ST6GAL1: variants seen among roughly 807,000 people sequenced by gnomAD.
The protein encoded by ST6GAL1 is ST6 beta-galactoside alpha-2,6-sialyltransferase 1.
Under a neutral mutation model 38.0 loss-of-function variants are expected in ST6GAL1, and 20 were observed. That is an observed-to-expected ratio of 0.53 (90% CI 0.37 to 0.77). ST6GAL1 has a LOEUF of 0.77. ST6GAL1 is among the 30% of genes least tolerant of loss of function. The pLI, the probability that ST6GAL1 is intolerant of heterozygous loss-of-function variation, is 0.00. For missense variants in ST6GAL1, 432 were observed against 496.4 expected (o/e 0.87, Z 1.23); for synonymous variants, 196 against 188.2 (o/e 1.04, Z -0.34).
intron 4 of ST6GAL1, among the ~76,000 whole-genome samples, chr3:187,047,792 T>C (rs1427942822): frequency 5.9e-5 from 9 of 152,132 alleles, no homozygotes; most frequent in Non-Finnish European, 2.9e-5. Context: ...AAGTTTTCTT[T>C]TTAAAAATTT....
chr3:186,994,890 A>G (rs929891310), intron 2 of ST6GAL1, among the ~76,000 whole-genome samples: 1 of 151,940 alleles, frequency 6.6e-6, no homozygotes, highest in African/African-American at 2.4e-5. Context: ...GTAGTGAGCC[A>G]AGATCACGCC....
intron 2 of ST6GAL1, among the ~76,000 whole-genome samples, chr3:186,988,641 G>A (rs1272403157): frequency 6.6e-6 from 1 of 151,938 alleles, no homozygotes; most frequent in Non-Finnish European, 1.5e-5. Flanking sequence ...GAGGTTATCA[G>A]TTGCTCACAC....
chr3:186,935,753 C>G (rs184154901), intron 1 of ST6GAL1, among the ~76,000 whole-genome samples: 8 of 152,046 alleles, frequency 5.3e-5, no homozygotes, highest in Admixed American at 3.3e-4. Context: ...AGAATGACCC[C>G]GTAGGGTAAG....
rs146268147 is a variant in ST6GAL1, at chr3:186,986,001, T to A, written c.-183+22075T>A. ...CCCAGAGACGCCTGTTTGAAATAAGTATTGGAAAGGACTCTTTAGATTTTG... is the reference window on the plus strand; with the variant it reads ...CCCAGAGACGCCTGTTTGAAATAAGAATTGGAAAGGACTCTTTAGATTTTG... On this transcript the variant is annotated intron_variant, in intron 2 of 7. Coordinates refer to ENST00000169298, the MANE Select transcript of ST6GAL1 (RefSeq NM_173216.2). Among the ~76,000 whole-genome samples, 156 of 152,146 alleles carry A rather than the reference T, an allele frequency of 1.0e-3. 2 individuals are homozygous for A. In the East Asian group the frequency reaches 0.021, roughly 21 times the overall value.
chr3:187,075,549 C>T lies in ST6GAL1; in HGVS notation c.980-13C>T, dbSNP rs760394544. 1.9e-6 allele frequency: 3 copies of T among 1,613,202 alleles called. No homozygotes were observed. The highest frequency in any genetic ancestry group is 8.5e-7 in the Non-Finnish European group (1 of 1,179,244). ...GGTTGTCAGGCATGACTCACCTCTG[C>T]TCCCCTCTCCAGGTATCATCATCAT... On this transcript the variant is annotated splice_polypyrimidine_tract_variant and intron_variant, in intron 7 of 7. Transcript: ENST00000169298. The surrounding 1 kb of genome is among the most constrained non-coding windows in gnomAD (Gnocchi z 4.1).
intron 2 of ST6GAL1, among the ~76,000 whole-genome samples, chr3:186,967,403 G>A (rs535207483): frequency 1.1e-4 from 16 of 152,320 alleles, no homozygotes; most frequent in African/African-American, 3.8e-4. Flanking sequence ...TGTTGGCCAG[G>A]CTGGTCTCGA....
At chr3:186,963,269 G>C (rs945146122) in intron 1 of ST6GAL1, among the ~76,000 whole-genome samples, 1 of 152,068 alleles carries the variant, frequency 6.6e-6, no homozygotes, top group South Asian at 2.1e-4. Context: ...TTGTTGTCCA[G>C]GCTGGAGTGC....
At chr3:186,933,612 A>G (rs1031750352) in intron 1 of ST6GAL1, among the ~76,000 whole-genome samples, 3 of 152,192 alleles carry the variant, frequency 2.0e-5, no homozygotes, top group Non-Finnish European at 4.4e-5. Flanking sequence ...TGACCCTGTA[A>G]GGAACTTCAG....
In ST6GAL1 at chr3:187,076,908, G is replaced by A. The variant is rs1719581007; in HGVS notation, c.*1105G>A. On this transcript the variant is annotated 3_prime_UTR_variant, in exon 8 of 8. Transcript: ENST00000169298. Reference sequence around the variant, plus strand: ...CTGGCCTGACCCTGTCCTGTCAGCTGGGTTTACATACCAGTCCCATTCTTC... The same window carrying A: ...CTGGCCTGACCCTGTCCTGTCAGCTAGGTTTACATACCAGTCCCATTCTTC... 1 of 398,580 alleles carries A rather than the reference G, an allele frequency of 2.5e-6. No individual in the cohort carries two copies. Among genetic ancestry groups the A allele is most frequent in the African/African-American group, 2.1e-5 (1 of 48,444 alleles). 24.7% of individuals were successfully genotyped at this position (398,580 alleles called of 1,614,324 possible).
intron 2 of ST6GAL1, among the ~76,000 whole-genome samples, chr3:186,984,861 TTCCTTCCG>T (rs1230321101): frequency 5.7e-4 from 75 of 130,748 alleles, no homozygotes; most frequent in African/African-American, 1.9e-3. Flanking sequence ...CCTTCCTTCC[TTCCTTCCG>T]TCCTTCCTTC....
At position 187,076,777 on chromosome 3, in the gene ST6GAL1, A is replaced by ATCT. The variant is rs1719577377; in HGVS notation, c.*975_*976insCTT. The ATCT allele has an allele frequency of 2.5e-6, 1 of 398,746 alleles. No individual in the cohort carries two copies. The highest frequency in any genetic ancestry group is 2.1e-5 in the African/African-American group (1 of 48,590). The allele number at this position is 398,746 out of a possible 1,614,324, so 24.7% of individuals were successfully genotyped here. On this transcript the variant is annotated 3_prime_UTR_variant, in exon 8 of 8. Coordinates refer to ENST00000169298, the MANE Select transcript of ST6GAL1 (RefSeq NM_173216.2). ...ATCTACCTGAACTTAGAGACTCAAG[A>ATCT]TATTTTTTTAGGAAACCTCCTACCC...
chr3:187,019,166 CA>C (rs1717213951), intron 2 of ST6GAL1, among the ~76,000 whole-genome samples: 1 of 152,144 alleles, frequency 6.6e-6, no homozygotes, highest in Non-Finnish European at 1.5e-5. Context: ...AAACAAAATA[CA>C]AGAGATATGA....
rs1205007820 is a variant in ST6GAL1 at position 187,077,484 on chromosome 3, C to G, written c.*1681C>G. On this transcript the variant is annotated 3_prime_UTR_variant, in exon 8 of 8. Transcript: ENST00000169298. Reference sequence around the variant, plus strand: ...CGGAGCTGGGCTCCTCATTTACTGCCAAACCCTCAGCTTATGTAGCTAGAA... The same window carrying G: ...CGGAGCTGGGCTCCTCATTTACTGCGAAACCCTCAGCTTATGTAGCTAGAA... The G allele has an allele frequency of 6.6e-6, 1 of 152,614 alleles. No individual in the cohort carries two copies. Among genetic ancestry groups the G allele is most frequent in the African/African-American group, 2.4e-5 (1 of 41,446 alleles). 9.5% of individuals were successfully genotyped at this position (152,614 alleles called of 1,614,324 possible).
At chr3:186,954,315 A>G (rs1016537091) in intron 1 of ST6GAL1, among the ~76,000 whole-genome samples, 2 of 152,234 alleles carry the variant, frequency 1.3e-5, no homozygotes, top group African/African-American at 4.8e-5. Context: ...TCTTTATAAT[A>G]GAAGGATTTA....
At chr3:187,047,188 G>A (rs901880801) in intron 4 of ST6GAL1, among the ~76,000 whole-genome samples, 4 of 151,418 alleles carry the variant, frequency 2.6e-5, no homozygotes, top group African/African-American at 4.8e-5. Flanking sequence ...CTCATGATCC[G>A]CCCACCTCGG....
At chr3:186,962,361 T>C (rs1187549059) in intron 1 of ST6GAL1, among the ~76,000 whole-genome samples, 1 of 152,212 alleles carries the variant, frequency 6.6e-6, no homozygotes, top group African/African-American at 2.4e-5. Flanking sequence ...TTTCCCAAGC[T>C]TGATTAGCAG....
chr3:187,001,370 A>G (rs1352020155), intron 2 of ST6GAL1, among the ~76,000 whole-genome samples: 4 of 152,220 alleles, frequency 2.6e-5, no homozygotes, highest in African/African-American at 7.2e-5. Flanking sequence ...GGTGACAGCA[A>G]TGTCTCCCTG....
At chr3:186,991,396 T>A (rs1018338026) in intron 2 of ST6GAL1, among the ~76,000 whole-genome samples, 4 of 152,106 alleles carry the variant, frequency 2.6e-5, no homozygotes, top group African/African-American at 4.8e-5. Context: ...GGCGCTGTCT[T>A]GGGGTCTGTA....
intron 2 of ST6GAL1, among the ~76,000 whole-genome samples, chr3:187,028,233 AT>A (rs950110582): frequency 6.6e-6 from 1 of 152,220 alleles, no homozygotes; most frequent in African/African-American, 2.4e-5. Flanking sequence ...AGTGGAGTTT[AT>A]TTAGAACTCA....
Sources: gnomAD v4.1 joint callset for allele counts (sites outside exome capture counted in the v4.1 genomes callset) on GRCh38, gnomAD v4.1.1 for gene constraint, Gnocchi (gnomAD v3.1) non-coding constraint, MANE v1.5 for transcripts, NCBI Gene and HGNC (gene_info 2026-07-23, HGNC 2026-07-21) for gene names.